GRM8: variants seen among roughly 807,000 people sequenced by gnomAD.
The protein encoded by GRM8 is metabotropic glutamate receptor 8.
A neutral mutation model predicts 87.2 loss-of-function variants in GRM8; 47 were observed. The ratio of observed to expected loss-of-function variants is 0.54; its 90% CI spans 0.43 to 0.69. The LOEUF (loss-of-function observed/expected upper bound fraction) is 0.69. Ranked by LOEUF, GRM8 falls within the 30% of genes least tolerant of loss-of-function variation. The pLI is 0.00. For synonymous variants in GRM8, 396 were observed against 404.5 expected, an observed-to-expected ratio of 0.98 and a Z score of 0.25; for missense variants, 1,019 against 1,139.2, an observed-to-expected ratio of 0.89 and a Z score of 1.52.
At chr7:126,751,412 T>C (rs1563151860) in intron 7 of GRM8, among the ~76,000 whole-genome samples, 1 of 148,910 alleles carries the variant, frequency 6.7e-6, no homozygotes, top group Non-Finnish European at 1.5e-5. Context: ...ACCTTTTCTA[T>C]TGTGTGTGTG....
At chr7:126,582,507 G>C (rs552093855) in intron 8 of GRM8, among the ~76,000 whole-genome samples, 1 of 152,252 alleles carries the variant, frequency 6.6e-6, no homozygotes, top group Admixed American at 6.5e-5. Context: ...ATCTAGATAA[G>C]ATAATGAATG....
At chr7:126,681,408 G>A (rs1323689893) in intron 7 of GRM8, among the ~76,000 whole-genome samples, 1 of 152,190 alleles carries the variant, frequency 6.6e-6, no homozygotes, top group Non-Finnish European at 1.5e-5. Context: ...GTGCGTGAGA[G>A]CTAAATCTAC....
chr7:126,531,931 T>C (rs1814887202), intron 9 of GRM8, among the ~76,000 whole-genome samples: 1 of 152,200 alleles, frequency 6.6e-6, no homozygotes, highest in South Asian at 2.1e-4. Flanking sequence ...CAATTTCTGG[T>C]GTCAGAGGAT....
At chr7:126,751,472 T>C (rs571059537) in intron 7 of GRM8, among the ~76,000 whole-genome samples, 31 of 152,272 alleles carry the variant, frequency 2.0e-4, no homozygotes, top group African/African-American at 7.5e-4. Flanking sequence ...TTACCTTGTC[T>C]TAAAGTTAAT....
chr7:126,803,981 CTTTTG>C (rs1195284710), intron 6 of GRM8, among the ~76,000 whole-genome samples: 1 of 151,926 alleles, frequency 6.6e-6, no homozygotes, highest in Non-Finnish European at 1.5e-5. Flanking sequence ...AGTACCTTTT[CTTTTG>C]TTTTAATGGT....
intron 8 of GRM8, among the ~76,000 whole-genome samples, chr7:126,607,240 TAGTAA>T (rs1334506017): frequency 1.3e-5 from 2 of 152,300 alleles, no homozygotes; most frequent in East Asian, 3.9e-4. Flanking sequence ...CACCTAGAAG[TAGTAA>T]AGTATTGATA....
chr7:126,919,187 G>A (rs967851463), intron 3 of GRM8, among the ~76,000 whole-genome samples: 1 of 152,094 alleles, frequency 6.6e-6, no homozygotes, highest in Admixed American at 6.5e-5. Context: ...GCACACCCAT[G>A]TTCCCTCTGC....
chr7:127,164,989 G>A (rs570044409), intron 2 of GRM8, among the ~76,000 whole-genome samples: 6 of 151,464 alleles, frequency 4.0e-5, no homozygotes, highest in Admixed American at 3.3e-4. Context: ...TTCAGTCAAC[G>A]TTAGGTACTA....
intron 2 of GRM8, among the ~76,000 whole-genome samples, chr7:127,191,417 G>T (rs1389804364): frequency 6.6e-6 from 1 of 152,154 alleles, no homozygotes; most frequent in Non-Finnish European, 1.5e-5. Context: ...TAGTTCCAGA[G>T]AATATAATGA....
intron 2 of GRM8, among the ~76,000 whole-genome samples, chr7:127,241,139 A>T (rs906924574): frequency 2.0e-5 from 3 of 152,226 alleles, no homozygotes; most frequent in Admixed American, 6.5e-5. Context: ...TCTATCTGAA[A>T]ATAGCCATTA....
At chr7:126,469,367 T>A (rs758381170) in intron 9 of GRM8, among the ~76,000 whole-genome samples, 1 of 152,134 alleles carries the variant, frequency 6.6e-6, no homozygotes, top group Non-Finnish European at 1.5e-5. Flanking sequence ...CACTCTTTTA[T>A]GAAAACTGCT....
At chr7:126,959,827 T>C (rs888238530) in intron 3 of GRM8, among the ~76,000 whole-genome samples, 4 of 152,210 alleles carry the variant, frequency 2.6e-5, no homozygotes, top group Admixed American at 6.5e-5. Flanking sequence ...TGAAGTCAGA[T>C]AAACCTAAGG....
intron 3 of GRM8, among the ~76,000 whole-genome samples, chr7:127,032,215 GC>G (rs1301740446): frequency 6.6e-6 from 1 of 152,004 alleles, no homozygotes. Context: ...TCTTTGTGAG[GC>G]CCAGTGACAC....
chr7:126,533,044 C>T lies in GRM8; in HGVS notation c.2338G>A (p.Ala780Thr), dbSNP rs1159011293. 6.2e-7 allele frequency: 1 copy of T among 1,613,396 alleles called. No individual in the cohort carries two copies. The highest frequency in any genetic ancestry group is 2.2e-5 in the East Asian group (1 of 44,842). Residue 780 changes from alanine (A) to threonine (T), a missense_variant, in exon 9 of 11, where the codon GCC becomes ACC. Coordinates refer to ENST00000339582, the MANE Select transcript of GRM8 (RefSeq NM_000845.3). The stretch of plus-strand genomic sequence containing the variant: ...TACATGGTAAATCCAATAGGTTTGG[C>T]TTCATTGAAAGTCTCTGGGACACCT... ...TRGVPETFNE[A>T]KPIGFTMYTT...
intron 7 of GRM8, among the ~76,000 whole-genome samples, chr7:126,635,010 G>A (rs2299484): frequency 0.31 from 46,784 of 151,958 alleles, 8,073 homozygotes; most frequent in East Asian, 0.43. Flanking sequence ...ATCCCTGTGC[G>A]TGTTCCCTCC....
At chr7:126,855,328 C>G (rs28539218) in intron 6 of GRM8, among the ~76,000 whole-genome samples, 2,088 of 152,142 alleles carry the variant, frequency 0.014, 50 homozygotes, top group African/African-American at 0.048. Flanking sequence ...ATTTTAAATT[C>G]TGTCAGCAAC....
At chr7:127,236,074 GATGGTTT>G (rs1019206836) in intron 2 of GRM8, among the ~76,000 whole-genome samples, 1 of 152,138 alleles carries the variant, frequency 6.6e-6, no homozygotes, top group African/African-American at 2.4e-5. Context: ...GGCATAATGT[GATGGTTT>G]ATGTTTACAA....
At chr7:126,512,992 T>C (rs563762439) in intron 9 of GRM8, 53 of 152,276 alleles carry the variant, frequency 3.5e-4, no homozygotes, top group African/African-American at 1.2e-3. Flanking sequence ...AAGCTACAAA[T>C]GGCAGAGCCA....
chr7:126,862,050 A>G (rs1028106140), intron 6 of GRM8, among the ~76,000 whole-genome samples: 1 of 151,926 alleles, frequency 6.6e-6, no homozygotes, highest in Admixed American at 6.6e-5. Flanking sequence ...GGCAGAATAT[A>G]TATGTATAGA....
Sources: allele counts gnomAD v4.1 joint callset (sites outside exome capture counted in the v4.1 genomes callset), GRCh38; gene constraint gnomAD v4.1.1; transcripts MANE v1.5; gene names NCBI Gene and HGNC (gene_info 2026-07-23, HGNC 2026-07-21).